GRIN3A: variants seen among roughly 807,000 people sequenced by gnomAD.
GRIN3A encodes the protein glutamate ionotropic receptor NMDA type subunit 3A.
Under a neutral mutation model 92.4 loss-of-function variants are expected in GRIN3A, and 47 were observed. That is an observed-to-expected ratio of 0.51 (90% CI 0.40 to 0.65). The LOEUF (loss-of-function observed/expected upper bound fraction) is 0.65. GRIN3A is among the 30% of genes least tolerant of loss of function. The pLI is 0.00. For missense variants in GRIN3A, 1,324 were observed against 1,393.1 expected, an observed-to-expected ratio of 0.95 and a Z score of 0.79; for synonymous variants, 527 against 540.6, an observed-to-expected ratio of 0.97 and a Z score of 0.35.
intron 3 of GRIN3A, among the ~76,000 whole-genome samples, chr9:101,632,105 T>A (rs1196033489): frequency 6.6e-6 from 1 of 152,180 alleles, no homozygotes; most frequent in Non-Finnish European, 1.5e-5. Flanking sequence ...AGTTCTCTCA[T>A]TTCCAAAACA....
intron 6 of GRIN3A, among the ~76,000 whole-genome samples, chr9:101,585,260 T>C (rs1310838806): frequency 6.6e-6 from 1 of 152,226 alleles, no homozygotes; most frequent in Non-Finnish European, 1.5e-5. Context: ...TTTGTGATAC[T>C]TCTTTCTCTT....
intron 6 of GRIN3A, 105 bp downstream of exon 6, chr9:101,613,271 G>T: frequency 8.3e-7 from 1 of 1,210,392 alleles, no homozygotes; most frequent in Non-Finnish European, 1.2e-6. Context: ...CAAGAGTCTA[G>T]TAAATGCAAT....
At chr9:101,595,999 G>A (rs760502226) in intron 6 of GRIN3A, among the ~76,000 whole-genome samples, 4 of 151,960 alleles carry the variant, frequency 2.6e-5, no homozygotes, top group Admixed American at 6.6e-5. Context: ...TCTTCCTTTC[G>A]GAGCGCATCA....
chr9:101,690,294 G>T (rs1327603877), intron 1 of GRIN3A, among the ~76,000 whole-genome samples: 1 of 152,064 alleles, frequency 6.6e-6, no homozygotes, highest in Non-Finnish European at 1.5e-5. Flanking sequence ...TAATTTAAAA[G>T]ATTTTAAAAT....
chr9:101,674,668 A>G (rs2118958306), intron 2 of GRIN3A, among the ~76,000 whole-genome samples: 1 of 152,186 alleles, frequency 6.6e-6, no homozygotes, highest in Non-Finnish European at 1.5e-5. Context: ...ATAAAAATTT[A>G]GAGCCTGGAT....
intron 3 of GRIN3A, among the ~76,000 whole-genome samples, chr9:101,647,068 G>T (rs571517595): frequency 9.2e-5 from 14 of 151,846 alleles, no homozygotes; most frequent in Non-Finnish European, 1.3e-4. Flanking sequence ...TCCCTATCTT[G>T]TTCCAGATCT....
At chr9:101,720,765 A>T (rs1405337819) in intron 1 of GRIN3A, among the ~76,000 whole-genome samples, 1 of 152,246 alleles carries the variant, frequency 6.6e-6, no homozygotes, top group African/African-American at 2.4e-5. Context: ...TGATTAAAAA[A>T]TCATACACAC....
Position 101,686,790 on chromosome 9 carries a change from C to T in GRIN3A, c.1110G>A (p.Leu370=). 6.2e-7 allele frequency: 1 copy of T among 1,614,158 alleles called. No individual in the cohort carries two copies. The highest frequency in any genetic ancestry group is 1.1e-5 in the South Asian group (1 of 91,074). Residue 370 remains leucine, a synonymous_variant, in exon 2 of 9, where the codon CTG becomes CTA. Transcript: ENST00000361820. ...TTCCATGAGCAATGAGCCCTAAGGG[C>T]AGACCCTCTGTCCTCAGTTCCTCCA... ...QNVEELRTEG[L]PLGLIAHGKT...
chr9:101,620,786 A>G (rs1381740790), intron 5 of GRIN3A, among the ~76,000 whole-genome samples: 4 of 152,218 alleles, frequency 2.6e-5, no homozygotes, highest in East Asian at 1.9e-4. Flanking sequence ...ATGATTTTTT[A>G]TACCTATACA....
chr9:101,581,069 C>T (rs921103089), intron 6 of GRIN3A, among the ~76,000 whole-genome samples: 3 of 152,150 alleles, frequency 2.0e-5, no homozygotes, highest in Admixed American at 1.3e-4. Flanking sequence ...CACTCTTCTG[C>T]GTATCATGGG....
Position 101,670,696 on chromosome 9 carries a change from G to T in GRIN3A, c.1716C>A (p.Phe572Leu). 6.2e-7 allele frequency: 1 copy of T among 1,614,050 alleles called. No homozygotes were observed. Residue 572 changes from phenylalanine (F) to leucine (L), a missense_variant, in exon 3 of 9, where the codon TTC (phenylalanine) becomes TTA (leucine). Transcript: ENST00000361820. Reference sequence around the variant, plus strand: ...TGCAATATCCATAGCAGCACTTCTTGAATTTAATGGGCACTGTATCATTAC... The same window carrying T: ...TGCAATATCCATAGCAGCACTTCTTTAATTTAATGGGCACTGTATCATTAC... ...HSSNDTVPIK[F>L]KKCCYGYCID... is the part of the protein sequence containing the mutation.
intron 2 of GRIN3A, among the ~76,000 whole-genome samples, chr9:101,678,957 A>G (rs1829434532): frequency 6.6e-6 from 1 of 152,174 alleles, no homozygotes; most frequent in African/African-American, 2.4e-5. Flanking sequence ...ACTCTTCTAT[A>G]CAATTATGAT....
At chr9:101,702,507 C>T (rs1829768648) in intron 1 of GRIN3A, among the ~76,000 whole-genome samples, 1 of 152,102 alleles carries the variant, frequency 6.6e-6, no homozygotes, top group Non-Finnish European at 1.5e-5. Context: ...CTCTAGGCTT[C>T]TCAGTCTCAT....
At chr9:101,690,898 C>A (rs1829607398) in intron 1 of GRIN3A, among the ~76,000 whole-genome samples, 1 of 151,920 alleles carries the variant, frequency 6.6e-6, no homozygotes, top group African/African-American at 2.4e-5. Context: ...AATTAAATTT[C>A]TCATTACATC....
chr9:101,698,755 G>A (rs6479061), intron 1 of GRIN3A, among the ~76,000 whole-genome samples: 23,621 of 151,928 alleles, frequency 0.16, 2,876 homozygotes, highest in African/African-American at 0.34. Context: ...TATAACCTCC[G>A]GCTCCTGGGT....
intron 1 of GRIN3A, among the ~76,000 whole-genome samples, chr9:101,715,955 A>T (rs183516070): frequency 7.7e-4 from 118 of 152,312 alleles, no homozygotes; most frequent in Non-Finnish European, 1.5e-3. Context: ...ATTATATTTT[A>T]AAAAAGTAGA....
rs768140961 is a variant in GRIN3A at position 101,735,279 on chromosome 9, C to G, written c.699+2002G>C. 2.6e-5 allele frequency among the ~76,000 whole-genome samples: 4 copies of G among 151,764 alleles called. 1 individual carries two copies. The highest frequency in any genetic ancestry group is 5.9e-5 in the Non-Finnish European group (4 of 67,864). ...TAATCTCTCCCTTTCAAGATGTGTG[C>G]CATGAAGGTAACAGTGACAACAGTG... is the stretch of plus-strand genomic sequence containing the variant. On this transcript the variant is annotated intron_variant, in intron 1 of 8. Coordinates refer to ENST00000361820, the MANE Select transcript of GRIN3A (RefSeq NM_133445.3).
chr9:101,611,835 T>C (rs1050588704), intron 6 of GRIN3A, among the ~76,000 whole-genome samples: 9 of 152,286 alleles, frequency 5.9e-5, no homozygotes, highest in African/African-American at 2.2e-4. Context: ...ATGATTCATA[T>C]TGGTCTGGGA....
At position 101,716,599 on chromosome 9, in the gene GRIN3A, A is replaced by G. The variant is rs988852560; in HGVS notation, c.699+20682T>C. On this transcript the variant is annotated intron_variant, in intron 1 of 8. Transcript: ENST00000361820. Reference sequence around the variant, plus strand: ...AGGGTATCCACCTGTCCTTTACATTATATACTTATTCTAGCTCTTTCTAGC... The same window carrying G: ...AGGGTATCCACCTGTCCTTTACATTGTATACTTATTCTAGCTCTTTCTAGC... 2.6e-5 allele frequency among the ~76,000 whole-genome samples: 4 copies of G among 152,102 alleles called. No homozygotes were observed. In the South Asian group the frequency reaches 8.3e-4, roughly 32 times the overall value.
Sources: allele counts gnomAD v4.1 joint callset (sites outside exome capture counted in the v4.1 genomes callset), GRCh38; gene constraint gnomAD v4.1.1; transcripts MANE v1.5; gene names NCBI Gene and HGNC (gene_info 2026-07-23, HGNC 2026-07-21).